The following TSPAN5 variants were observed in gnomAD, a reference collection of about 807,000 sequenced individuals.
TSPAN5 encodes the protein tetraspanin-5.
A neutral mutation model predicts 37.1 loss-of-function variants in TSPAN5; 10 were observed. That is an observed-to-expected ratio of 0.27 (90% CI 0.17 to 0.46). TSPAN5 has a LOEUF of 0.46. Among genes scored for constraint, TSPAN5 ranks in the 20% least tolerant of loss-of-function variants. The pLI is 1.00. For missense variants in TSPAN5, 195 were observed against 326.6 expected, an observed-to-expected ratio of 0.60 and a Z score of 3.11; for synonymous variants, 110 against 118.9, an observed-to-expected ratio of 0.93 and a Z score of 0.48.
chr4:98,626,886 G>GTTTTTTTTTTTTTTTTTTTTTT lies in TSPAN5; in HGVS notation c.81+31238_81+31259dup, dbSNP rs34770397. Among the ~76,000 whole-genome samples, 4 of 83,482 alleles carry GTTTTTTTTTTTTTTTTTTTTTT rather than the reference G, an allele frequency of 4.8e-5. 1 individual carries two copies. The highest frequency in any genetic ancestry group is 2.2e-5 in the Non-Finnish European group (1 of 44,548). The allele number at this position is 83,482 out of a possible 152,430, so 54.8% of individuals were successfully genotyped here. A position where few individuals can be genotyped will look rare whatever the true frequency, so the allele number is the denominator to read the frequency against. On this transcript the variant is annotated intron_variant, in intron 1 of 7. Coordinates refer to ENST00000305798, the MANE Select transcript of TSPAN5 (RefSeq NM_005723.4). ...TAAAATGTAAGCTTCATGAGAGCAG[G>GTTTTTTTTTTTTTTTTTTTTTT]TTTTTTTTTTTTTTTTTTTTTTGGT...
intron 1 of TSPAN5, among the ~76,000 whole-genome samples, chr4:98,519,391 T>C (rs190949989): frequency 5.0e-4 from 76 of 152,102 alleles, no homozygotes; most frequent in Admixed American, 9.2e-4. Flanking sequence ...CACAGCTACT[T>C]GGGAGGCTGA....
chr4:98,528,021 G>C (rs1753998213), intron 1 of TSPAN5, among the ~76,000 whole-genome samples: 1 of 152,108 alleles, frequency 6.6e-6, no homozygotes, highest in Admixed American at 6.6e-5. Context: ...AATCAAAAAA[G>C]CTCCTCCACA....
At chr4:98,509,262 G>A (rs1753550963) in intron 1 of TSPAN5, among the ~76,000 whole-genome samples, 1 of 152,184 alleles carries the variant, frequency 6.6e-6, no homozygotes, top group African/African-American at 2.4e-5. Context: ...AGTGAGAGTG[G>A]TTATTTTTTA....
chr4:98,648,120 T>C (rs1298277022), intron 1 of TSPAN5, among the ~76,000 whole-genome samples: 2 of 152,206 alleles, frequency 1.3e-5, no homozygotes, highest in Non-Finnish European at 2.9e-5. Flanking sequence ...TCTTCTGTAT[T>C]TGCTTTATTG....
intron 1 of TSPAN5, among the ~76,000 whole-genome samples, chr4:98,592,090 A>G (rs1318536630): frequency 1.3e-5 from 2 of 151,966 alleles, no homozygotes; most frequent in South Asian, 2.1e-4. Context: ...TAGTAATTCA[A>G]TAAAGAAAAG....
chr4:98,507,391 T>C (rs1753501576), intron 2 of TSPAN5, among the ~76,000 whole-genome samples: 1 of 152,168 alleles, frequency 6.6e-6, no homozygotes, highest in African/African-American at 2.4e-5. Flanking sequence ...AGTGAGAAAA[T>C]ATCCCATAGG....
At chr4:98,592,474 T>C (rs1397936556) in intron 1 of TSPAN5, among the ~76,000 whole-genome samples, 1 of 145,896 alleles carries the variant, frequency 6.9e-6, no homozygotes, top group African/African-American at 2.6e-5. Flanking sequence ...TTAGGGTACA[T>C]GTGCACATTG....
intron 1 of TSPAN5, among the ~76,000 whole-genome samples, chr4:98,578,450 G>C (rs1414086349): frequency 1.3e-5 from 2 of 151,958 alleles, no homozygotes; most frequent in African/African-American, 4.8e-5. Context: ...TTTTGAGACA[G>C]AGTCTTGCTC....
chr4:98,556,367 T>C (rs747266133), intron 1 of TSPAN5, among the ~76,000 whole-genome samples: 8 of 152,298 alleles, frequency 5.3e-5, no homozygotes, highest in Non-Finnish European at 8.8e-5. Context: ...GAAGCAGAGC[T>C]GCCTATTGAG....
intron 1 of TSPAN5, among the ~76,000 whole-genome samples, chr4:98,521,294 C>T (rs1753850439): frequency 6.6e-6 from 1 of 152,154 alleles, no homozygotes; most frequent in South Asian, 2.1e-4. Context: ...CAGCAGATAG[C>T]CTTGAAAGAT....
intron 1 of TSPAN5, among the ~76,000 whole-genome samples, chr4:98,525,876 TTAAG>T (rs1362214984): frequency 1.3e-5 from 2 of 152,234 alleles, no homozygotes; most frequent in East Asian, 3.8e-4. Context: ...ATAGATGATC[TTAAG>T]TGAGGACTTA....
intron 1 of TSPAN5, among the ~76,000 whole-genome samples, chr4:98,621,091 C>T (rs1469728998): frequency 6.6e-6 from 1 of 152,084 alleles, no homozygotes; most frequent in African/African-American, 2.4e-5. Context: ...GGACCACAGA[C>T]ACACACACAA....
chr4:98,598,914 G>C (rs1028915714), intron 1 of TSPAN5, among the ~76,000 whole-genome samples: 3 of 152,138 alleles, frequency 2.0e-5, no homozygotes, highest in Non-Finnish European at 2.9e-5. Flanking sequence ...AAGTAATTCT[G>C]TTCTGTTGTT....
At chr4:98,482,210 T>C in intron 3 of TSPAN5, 35 bp from the exon 4 acceptor site, 1 of 1,600,266 alleles carries the variant, frequency 6.2e-7, no homozygotes, top group Non-Finnish European at 8.5e-7. Context: ...AGAACAGTTA[T>C]AAGGGCTATT....
intron 1 of TSPAN5, among the ~76,000 whole-genome samples, chr4:98,571,962 T>TTTTATTTA (rs58535549): frequency 6.6e-6 from 1 of 150,768 alleles, no homozygotes. Context: ...GAGAGAGACA[T>TTTTATTTA]TTTATTTATT....
intron 1 of TSPAN5, among the ~76,000 whole-genome samples, chr4:98,644,203 G>T (rs1043579202): frequency 2.0e-5 from 3 of 151,560 alleles, no homozygotes; most frequent in African/African-American, 7.3e-5. Context: ...TTTAAATGTT[G>T]TCCTAAGGGG....
At chr4:98,581,484 TCTG>T (rs1445730627) in intron 1 of TSPAN5, among the ~76,000 whole-genome samples, 1 of 152,222 alleles carries the variant, frequency 6.6e-6, no homozygotes, top group Admixed American at 6.5e-5. Flanking sequence ...TCTAGGCAAC[TCTG>T]CTCTTGTCTC....
intron 2 of TSPAN5, among the ~76,000 whole-genome samples, chr4:98,500,964 C>T (rs954857285): frequency 5.3e-5 from 8 of 152,150 alleles, no homozygotes; most frequent in African/African-American, 1.9e-4. Context: ...CAGGGAAAGG[C>T]ATTTTCCCTC....
chr4:98,592,422 T>TG (rs1755663247), intron 1 of TSPAN5, among the ~76,000 whole-genome samples: 1 of 72,350 alleles, frequency 1.4e-5, no homozygotes, highest in African/African-American at 8.1e-5. Flanking sequence ...GGGATCTCTG[T>TG]TTTTTGTTTT....
Sources: gnomAD v4.1 joint callset for allele counts (sites outside exome capture counted in the v4.1 genomes callset) on GRCh38, gnomAD v4.1.1 for gene constraint, MANE v1.5 for transcripts, NCBI Gene and HGNC (gene_info 2026-07-23, HGNC 2026-07-21) for gene names.